Variants in SLC4A4 observed in about 807,000 individuals in gnomAD.
SLC4A4 encodes the protein solute carrier family 4 member 4, also known as electrogenic sodium bicarbonate cotransporter 1.
SLC4A4 carries 27 observed loss-of-function variants against 111.5 expected under a neutral mutation model. The observed-to-expected ratio is 0.24, with a 90% CI of 0.18 to 0.33. SLC4A4 has a LOEUF of 0.33. SLC4A4 is among the 10% of genes least tolerant of loss of function. The pLI is 1.00. For missense variants in SLC4A4, 909 were observed against 1,315.5 expected, an observed-to-expected ratio of 0.69 and a Z score of 4.78; for synonymous variants, 443 against 463.4, an observed-to-expected ratio of 0.96 and a Z score of 0.57.
At chr4:71,420,399 T>C (rs1362916076) in intron 7 of SLC4A4, among the ~76,000 whole-genome samples, 2 of 152,178 alleles carry the variant, frequency 1.3e-5, no homozygotes, top group African/African-American at 4.8e-5. Context: ...GGAACCAAGT[T>C]GGAAAACACT....
chr4:71,092,545 C>T (rs950746039), intron 1 of SLC4A4, among the ~76,000 whole-genome samples: 1 of 152,012 alleles, frequency 6.6e-6, no homozygotes, highest in South Asian at 2.1e-4. Context: ...GGAATTTGCA[C>T]GTCATGTTAC....
chr4:71,090,758 G>A (rs539489847), intron 1 of SLC4A4, among the ~76,000 whole-genome samples: 35 of 152,246 alleles, frequency 2.3e-4, no homozygotes, highest in South Asian at 8.3e-4. Context: ...TTTTTCTTCC[G>A]AAATTATTGT....
At chr4:71,359,223 G>A (rs1730550366) in intron 6 of SLC4A4, among the ~76,000 whole-genome samples, 1 of 152,138 alleles carries the variant, frequency 6.6e-6, no homozygotes, top group Non-Finnish European at 1.5e-5. Flanking sequence ...GTACTTGAGA[G>A]AAAAGTTGAA....
intron 3 of SLC4A4, among the ~76,000 whole-genome samples, chr4:71,287,672 T>C (rs1046173733): frequency 6.6e-6 from 1 of 152,214 alleles, no homozygotes; most frequent in African/African-American, 2.4e-5. Context: ...TAAAGTCTCA[T>C]TGATGCTGTA....
chr4:71,288,219 A>G (rs1407230393), intron 3 of SLC4A4, among the ~76,000 whole-genome samples: 2 of 152,090 alleles, frequency 1.3e-5, no homozygotes, highest in Admixed American at 6.6e-5. Context: ...TTGCATGGTG[A>G]CTTACTTGAA....
intron 18 of SLC4A4, among the ~76,000 whole-genome samples, chr4:71,542,004 G>A (rs923973334): frequency 8.6e-5 from 13 of 151,994 alleles, no homozygotes; most frequent in African/African-American, 2.9e-4. Flanking sequence ...CATCTTAGAA[G>A]TGGCTTGTTT....
At chr4:71,266,814 A>G (rs908168179) in intron 3 of SLC4A4, among the ~76,000 whole-genome samples, 12 of 152,220 alleles carry the variant, frequency 7.9e-5, no homozygotes, top group Middle Eastern at 3.2e-3. Flanking sequence ...GTGCAAGTCA[A>G]TTCATTTCAA....
intron 18 of SLC4A4, among the ~76,000 whole-genome samples, chr4:71,542,518 C>T (rs532487103): frequency 2.0e-5 from 3 of 152,186 alleles, no homozygotes; most frequent in Admixed American, 6.5e-5. Flanking sequence ...CTTCTCTAGC[C>T]TAATTTTCTA....
At chr4:71,069,252 C>CTT (rs1232789523) in intron 1 of SLC4A4, among the ~76,000 whole-genome samples, 5 of 152,136 alleles carry the variant, frequency 3.3e-5, no homozygotes, top group African/African-American at 4.8e-5. Flanking sequence ...GCAGAGTAGT[C>CTT]TTTAAAGAAA....
chr4:71,262,995 T>A (rs1721975411), intron 3 of SLC4A4, among the ~76,000 whole-genome samples: 1 of 151,120 alleles, frequency 6.6e-6, no homozygotes, highest in Non-Finnish European at 1.5e-5. Context: ...CTATATCTCC[T>A]AATGCTATCC....
intron 2 of SLC4A4, among the ~76,000 whole-genome samples, chr4:71,122,892 G>T (rs540712209): frequency 6.6e-6 from 1 of 152,240 alleles, no homozygotes; most frequent in Admixed American, 6.5e-5. Flanking sequence ...CAGTAAAGAA[G>T]GGTAGAAAAT....
At chr4:71,115,887 A>T (rs1252199035) in intron 2 of SLC4A4, among the ~76,000 whole-genome samples, 2 of 152,056 alleles carry the variant, frequency 1.3e-5, no homozygotes, top group Admixed American at 1.3e-4. Context: ...TATTCTTTTT[A>T]TTTTTATTTT....
At chr4:71,249,255 A>G (rs1021551319) in intron 2 of SLC4A4, among the ~76,000 whole-genome samples, 13 of 152,214 alleles carry the variant, frequency 8.5e-5, no homozygotes, top group Admixed American at 2.0e-4. Flanking sequence ...AAATTAAAAT[A>G]AATTACTTAT....
Position 71,534,253 on chromosome 4 carries a change from C to T in SLC4A4, c.2307C>T (p.Phe769=), listed in dbSNP as rs1280037688. 6 of 1,613,640 alleles carry T rather than the reference C, an allele frequency of 3.7e-6. No homozygotes were observed. The highest frequency in any genetic ancestry group is 1.3e-5 in the African/African-American group (1 of 74,996). Residue 769 remains phenylalanine (F), a synonymous_variant, in exon 18 of 26, where the codon TTC becomes TTT. Transcript: ENST00000264485. ...CAACAAGTCCAAACCGAGGTTGGTT[C>T]GTTCCACCGTTTGGAGAAAACCCCT... The part of the protein sequence containing the change: ...FKPTSPNRGW[F]VPPFGENPWW...
chr4:71,150,460 G>C (rs763202155), intron 2 of SLC4A4, among the ~76,000 whole-genome samples: 2 of 152,122 alleles, frequency 1.3e-5, no homozygotes, highest in East Asian at 1.9e-4. Context: ...CATGTGCAGA[G>C]AGAGAACTAA....
At position 71,127,340 on chromosome 4, in the gene SLC4A4, A is replaced by G. The variant is rs143425529; in HGVS notation, c.-2+34548A>G. Among the ~76,000 whole-genome samples the G allele has an allele frequency of 3.8e-3, 577 of 152,346 alleles. 4 individuals are homozygous for G. Among genetic ancestry groups the G allele is most frequent in the African/African-American group, 0.013 (525 of 41,574 alleles). ...TCAAAAAACGAAGTCAAACAGCTACACATACTATAATAATGTTTAGAGGCA... is the reference window on the plus strand; with the variant it reads ...TCAAAAAACGAAGTCAAACAGCTACGCATACTATAATAATGTTTAGAGGCA... On this transcript the variant is annotated intron_variant, in intron 2 of 26. Coordinates refer to the SLC4A4 transcript ENST00000649996.
intron 7 of SLC4A4, among the ~76,000 whole-genome samples, chr4:71,420,524 C>T (rs1320615565): frequency 6.6e-6 from 1 of 152,012 alleles, no homozygotes; most frequent in South Asian, 2.1e-4. Context: ...AACTCCAAGA[C>T]ACATAATTGT....
At chr4:71,356,704 C>T (rs1483906173) in intron 5 of SLC4A4, among the ~76,000 whole-genome samples, 1 of 151,800 alleles carries the variant, frequency 6.6e-6, no homozygotes, top group Non-Finnish European at 1.5e-5. Context: ...TTGACTCTTC[C>T]CCTTTTAATT....
intron 18 of SLC4A4, among the ~76,000 whole-genome samples, chr4:71,536,457 CA>C (rs1734435799): frequency 6.4e-5 from 2 of 31,406 alleles, no homozygotes; most frequent in Non-Finnish European, 6.3e-5. Context: ...TACATATATA[CA>C]TATATACATA....
Sources: allele counts gnomAD v4.1 joint callset (sites outside exome capture counted in the v4.1 genomes callset), GRCh38; gene constraint gnomAD v4.1.1; transcripts MANE v1.5; gene names NCBI Gene and HGNC (gene_info 2026-07-23, HGNC 2026-07-21).